POLR3B: variants seen among roughly 807,000 people sequenced by gnomAD.
POLR3B encodes the protein RNA polymerase III subunit B.
Under a neutral mutation model 147.4 loss-of-function variants are expected in POLR3B, and 96 were observed. That is an observed-to-expected ratio of 0.65 (90% confidence interval 0.55 to 0.77). The LOEUF is 0.77. Ranked by LOEUF, POLR3B falls within the 30% of genes least tolerant of loss-of-function variation. POLR3B has a pLI of 0.00. For synonymous variants in POLR3B, 461 were observed against 485.9 expected (o/e 0.95, Z 0.67); for missense variants, 1,036 against 1,413.5 (o/e 0.73, Z 4.28).
chr12:106,433,627 A>T, intron 15 of POLR3B, 92 bp from the exon 16 acceptor site: 1 of 993,992 alleles, frequency 1.0e-6, no homozygotes, highest in Non-Finnish European at 1.5e-6. Context: ...ATAACTGCTT[A>T]GTGCTGATTA....
intron 6 of POLR3B, among the ~76,000 whole-genome samples, chr12:106,371,526 C>T (rs2136889906): frequency 6.6e-6 from 1 of 151,892 alleles, no homozygotes; most frequent in South Asian, 2.1e-4. Flanking sequence ...ATAGCAAAGA[C>T]TTGGAACCAA....
At chr12:106,421,063 AT>A (rs1565891085) in intron 12 of POLR3B, among the ~76,000 whole-genome samples, 1 of 151,966 alleles carries the variant, frequency 6.6e-6, no homozygotes, top group Non-Finnish European at 1.5e-5. Flanking sequence ...TTTCTCTGCA[AT>A]TTTTTTCTTC....
intron 9 of POLR3B, among the ~76,000 whole-genome samples, chr12:106,383,507 T>C (rs1435613673): frequency 1.3e-5 from 2 of 152,116 alleles, no homozygotes; most frequent in South Asian, 2.1e-4. Context: ...GGGTTATTAA[T>C]TGACCTAATT....
chr12:106,420,962 A>G (rs918736071), intron 12 of POLR3B, among the ~76,000 whole-genome samples: 4 of 152,098 alleles, frequency 2.6e-5, no homozygotes, highest in African/African-American at 9.7e-5. Flanking sequence ...TATCATTTAC[A>G]TCTTTAATTT....
intron 23 of POLR3B, among the ~76,000 whole-genome samples, chr12:106,492,163 CT>C (rs1195641668): frequency 2.0e-5 from 3 of 151,174 alleles, no homozygotes; most frequent in African/African-American, 4.9e-5. Context: ...CTTTTCTTAC[CT>C]TTTTTTTTCC....
At chr12:106,505,919 C>T (rs1243653651) in intron 27 of POLR3B, among the ~76,000 whole-genome samples, 1 of 152,182 alleles carries the variant, frequency 6.6e-6, no homozygotes, top group Non-Finnish European at 1.5e-5. Context: ...GCAGTGTATC[C>T]CTTGCCAGAT....
At chr12:106,363,797 G>C (rs2036497640) in intron 1 of POLR3B, 73 bp from the exon 2 acceptor site, 1 of 1,143,244 alleles carries the variant, frequency 8.7e-7, no homozygotes, top group Non-Finnish European at 1.3e-6. Context: ...GCTTATTTTG[G>C]AACATTAAAA....
At chr12:106,461,195 G>A (rs982633055) in intron 22 of POLR3B, among the ~76,000 whole-genome samples, 1 of 151,996 alleles carries the variant, frequency 6.6e-6, no homozygotes, top group African/African-American at 2.4e-5. Context: ...CCCAGTTCAA[G>A]TGATTCTCCT....
At chr12:106,441,723 T>C (rs1244109866) in intron 18 of POLR3B, among the ~76,000 whole-genome samples, 2 of 152,362 alleles carry the variant, frequency 1.3e-5, no homozygotes, top group Admixed American at 6.5e-5. Flanking sequence ...ATTTTTCTAC[T>C]GTTATAAACA....
At chr12:106,489,134 C>G (rs376143703) in intron 23 of POLR3B, among the ~76,000 whole-genome samples, 2 of 152,152 alleles carry the variant, frequency 1.3e-5, no homozygotes, top group East Asian at 3.8e-4. Flanking sequence ...AAGCAGTACT[C>G]CTAAGGAGAG....
intron 19 of POLR3B, among the ~76,000 whole-genome samples, chr12:106,450,936 CG>C (rs1458050291): frequency 6.6e-6 from 1 of 152,036 alleles, no homozygotes; most frequent in Non-Finnish European, 1.5e-5. Flanking sequence ...AACTGCGAAA[CG>C]ATGCAAATAT....
intron 1 of POLR3B, among the ~76,000 whole-genome samples, chr12:106,361,503 C>T (rs892401665): frequency 2.0e-5 from 3 of 152,152 alleles, no homozygotes; most frequent in Non-Finnish European, 4.4e-5. Flanking sequence ...GGGACAGGCC[C>T]ATACCCAGTA....
intron 10 of POLR3B, among the ~76,000 whole-genome samples, chr12:106,395,309 C>A (rs939046272): frequency 4.6e-5 from 7 of 152,144 alleles, no homozygotes; most frequent in Non-Finnish European, 1.0e-4. Flanking sequence ...GTACAGGAAC[C>A]AAAACCTGCT....
At chr12:106,414,221 T>TTAA (rs1555212403) in intron 12 of POLR3B, among the ~76,000 whole-genome samples, 4 of 121,106 alleles carry the variant, frequency 3.3e-5, no homozygotes, top group Non-Finnish European at 6.6e-5. Flanking sequence ...GATACAAAAG[T>TTAA]AAAAAAAAAA....
chr12:106,445,266 T>G (rs986711886), intron 19 of POLR3B, among the ~76,000 whole-genome samples: 7 of 152,190 alleles, frequency 4.6e-5, no homozygotes, highest in African/African-American at 1.7e-4. Context: ...CAAAGTCTAG[T>G]AGGAGAGACC....
intron 6 of POLR3B, among the ~76,000 whole-genome samples, chr12:106,374,823 C>T (rs2036656402): frequency 6.6e-6 from 1 of 152,088 alleles, no homozygotes; most frequent in Non-Finnish European, 1.5e-5. Context: ...GCCTCCTTGG[C>T]ATGTTTTTTT....
intron 10 of POLR3B, among the ~76,000 whole-genome samples, chr12:106,396,514 C>T (rs2036981865): frequency 1.3e-5 from 2 of 152,130 alleles, no homozygotes; most frequent in Admixed American, 1.3e-4. Context: ...ACGGAATTCC[C>T]ACCAACCAAG....
intron 23 of POLR3B, among the ~76,000 whole-genome samples, chr12:106,483,788 A>G (rs1222502246): frequency 2.0e-5 from 3 of 152,198 alleles, no homozygotes; most frequent in Non-Finnish European, 2.9e-5. Context: ...TCAAGAGTCT[A>G]TAAGTTACTG....
intron 26 of POLR3B, among the ~76,000 whole-genome samples, chr12:106,503,268 A>G (rs1201808769): frequency 1.3e-5 from 2 of 152,242 alleles, no homozygotes; most frequent in Admixed American, 1.3e-4. Context: ...ATTTAAAAAA[A>G]TCTTAAAATT....
Sources: allele counts gnomAD v4.1 joint callset (sites outside exome capture counted in the v4.1 genomes callset), GRCh38; gene constraint gnomAD v4.1.1; transcripts MANE v1.5; gene names NCBI Gene and HGNC (gene_info 2026-07-23, HGNC 2026-07-21).